The following IRF2 variants were observed in gnomAD, a reference collection of about 807,000 sequenced individuals.
IRF2 encodes the protein interferon regulatory factor 2.
In IRF2, 15 loss-of-function variants were observed where a neutral mutation model predicts 40.6. The ratio of observed to expected loss-of-function variants is 0.37; its 90% CI spans 0.25 to 0.57. The LOEUF is 0.57. Ranked by LOEUF, IRF2 falls within the 20% of genes least tolerant of loss-of-function variation. The pLI is 0.77. For missense variants in IRF2, 317 were observed against 455.7 expected (o/e 0.70, Z 2.77); for synonymous variants, 151 against 165.5 (o/e 0.91, Z 0.67).
At position 184,408,046 on chromosome 4, in the gene IRF2, A is replaced by G; in HGVS notation, c.529+112T>C. The G allele has an allele frequency of 1.6e-6, 1 of 637,836 alleles. No individual in the cohort carries two copies. The highest frequency in any genetic ancestry group is 2.8e-6 in the Non-Finnish European group (1 of 354,978). 39.5% of individuals were successfully genotyped at this position (637,836 alleles called of 1,614,324 possible). A position where few individuals can be genotyped will look rare whatever the true frequency, so the allele number is the denominator to read the frequency against. On this transcript the variant is annotated intron_variant, in intron 6 of 8. Transcript: ENST00000393593. This position sits in a 1 kb window ranked among gnomAD's most constrained non-coding sequence, Gnocchi z 4.9. The stretch of plus-strand genomic sequence containing the variant: ...GGGCTGGAACTTGCATTCTGAGATG[A>G]TTCCAAGACCTCCTCCCACTGACTA...
chr4:184,459,934 G>C (rs1739074726), intron 1 of IRF2, among the ~76,000 whole-genome samples: 1 of 152,216 alleles, frequency 6.6e-6, no homozygotes, highest in Non-Finnish European at 1.5e-5. Context: ...TACAGCTATG[G>C]AAAACAATTT....
chr4:184,435,639 C>T (rs1185017043), intron 1 of IRF2, among the ~76,000 whole-genome samples: 2 of 152,192 alleles, frequency 1.3e-5, no homozygotes, highest in African/African-American at 2.4e-5. Context: ...GTCGTCCTAG[C>T]GCAGGGACAG....
chr4:184,435,119 T>C (rs934016951), intron 1 of IRF2, among the ~76,000 whole-genome samples: 1 of 152,194 alleles, frequency 6.6e-6, no homozygotes, highest in East Asian at 1.9e-4. Context: ...CCCTAGGACA[T>C]AGGGACTTTA....
At chr4:184,469,466 C>T (rs1413805247) in intron 1 of IRF2, among the ~76,000 whole-genome samples, 10 of 152,136 alleles carry the variant, frequency 6.6e-5, no homozygotes. Flanking sequence ...CATTTGAGGC[C>T]AAGGGTTTGA....
At position 184,408,894 on chromosome 4, in the gene IRF2, AGGT is replaced by A. The variant is rs1447408957; in HGVS notation, c.412-622_412-620del. 6.6e-6 allele frequency among the ~76,000 whole-genome samples: 1 copy of A among 152,246 alleles called. No individual in the cohort carries two copies. Among genetic ancestry groups the A allele is most frequent in the East Asian group, 1.9e-4 (1 of 5,198 alleles). Reference sequence around the variant, plus strand: ...CATGGGCTTTACATAAATGCCCTTCAGGTGGCTGAATATCTCATCCAGCCCAAG... The same window carrying A: ...CATGGGCTTTACATAAATGCCCTTCAGGCTGAATATCTCATCCAGCCCAAG... On this transcript the variant is annotated intron_variant, in intron 5 of 8. Coordinates refer to ENST00000393593, the MANE Select transcript of IRF2 (RefSeq NM_002199.4). The surrounding 1 kb of genome is among the most constrained non-coding windows in gnomAD (Gnocchi z 4.9).
At chr4:184,462,610 T>C (rs1348134682) in intron 1 of IRF2, among the ~76,000 whole-genome samples, 2 of 152,186 alleles carry the variant, frequency 1.3e-5, no homozygotes, top group East Asian at 1.9e-4. Flanking sequence ...TCACCAAATA[T>C]AGCTTATTTA....
intron 1 of IRF2, among the ~76,000 whole-genome samples, chr4:184,455,225 T>C (rs1738870413): frequency 6.7e-6 from 1 of 149,582 alleles, no homozygotes; most frequent in Admixed American, 6.7e-5. Context: ...CTTATCCCAC[T>C]GATTCCTTTC....
intron 7 of IRF2, among the ~76,000 whole-genome samples, chr4:184,392,526 T>C (rs1332500945): frequency 6.6e-6 from 1 of 152,208 alleles, no homozygotes; most frequent in East Asian, 1.9e-4. Context: ...AGAAGAGCTC[T>C]TATGCTCCAG....
chr4:184,425,559 G>A (rs1485311418), intron 2 of IRF2, among the ~76,000 whole-genome samples: 1 of 152,256 alleles, frequency 6.6e-6, no homozygotes, highest in Non-Finnish European at 1.5e-5. Context: ...GGCAGCCACG[G>A]GCACGCTCTC....
Position 184,419,570 on chromosome 4 carries a change from TGAAA to T in IRF2, c.88-6_88-3del. On this transcript the variant is annotated splice_polypyrimidine_tract_variant and splice_region_variant and intron_variant, in intron 2 of 8. Coordinates refer to ENST00000393593, the MANE Select transcript of IRF2 (RefSeq NM_002199.4). ...GGGGATCTGAAAAATCTTCTTTTCC[TGAAA>T]AAAAAAAAAAAAAAAAAGGTAAAGA... 1.2e-6 allele frequency: 1 copy of T among 820,036 alleles called. No individual in the cohort carries two copies. Among genetic ancestry groups the T allele is most frequent in the Non-Finnish European group, 1.7e-6 (1 of 573,450 alleles). The allele number at this position is 820,036 out of a possible 1,614,324, so 50.8% of individuals were successfully genotyped here.
chr4:184,442,723 T>A (rs1434176180), intron 1 of IRF2, among the ~76,000 whole-genome samples: 1 of 151,710 alleles, frequency 6.6e-6, no homozygotes. Flanking sequence ...TGCTTCCCAC[T>A]CTAAAAATGA....
chr4:184,412,447 C>G (rs990298767), intron 5 of IRF2, among the ~76,000 whole-genome samples: 1 of 152,188 alleles, frequency 6.6e-6, no homozygotes, highest in Non-Finnish European at 1.5e-5. Flanking sequence ...TAATGGGCCT[C>G]CAGCCCACCT....
chr4:184,455,264 T>TCC (rs1561125314), intron 1 of IRF2, among the ~76,000 whole-genome samples: 1 of 33,738 alleles, frequency 3.0e-5, no homozygotes, highest in Non-Finnish European at 5.6e-5. Flanking sequence ...CCCCCTTCCC[T>TCC]CCCTCTCCCT....
intron 1 of IRF2, among the ~76,000 whole-genome samples, chr4:184,442,236 C>T (rs1738339522): frequency 6.6e-6 from 1 of 152,110 alleles, no homozygotes. Context: ...CTGGCCAACC[C>T]GAGCTTTCCT....
At chr4:184,436,381 C>T (rs528792710) in intron 1 of IRF2, among the ~76,000 whole-genome samples, 1 of 152,178 alleles carries the variant, frequency 6.6e-6, no homozygotes, top group Non-Finnish European at 1.5e-5. Flanking sequence ...GATTCAAAGA[C>T]GGTAAGACAT....
intron 1 of IRF2, among the ~76,000 whole-genome samples, chr4:184,459,140 G>T (rs1022054763): frequency 6.6e-6 from 1 of 152,020 alleles, no homozygotes; most frequent in African/African-American, 2.4e-5. Flanking sequence ...AGACAGAGCA[G>T]CCGCAATGAT....
chr4:184,423,625 T>C (rs1737561323), intron 2 of IRF2, among the ~76,000 whole-genome samples: 1 of 152,118 alleles, frequency 6.6e-6, no homozygotes, highest in Non-Finnish European at 1.5e-5. Context: ...AGAACATCAA[T>C]AACCCCACCA....
At chr4:184,420,213 C>T (rs778940788) in intron 2 of IRF2, among the ~76,000 whole-genome samples, 2 of 152,132 alleles carry the variant, frequency 1.3e-5, no homozygotes, top group African/African-American at 2.4e-5. Flanking sequence ...GGCCACCTAC[C>T]GAAACTTCTA....
chr4:184,453,346 G>A (rs1738798092), intron 1 of IRF2, among the ~76,000 whole-genome samples: 3 of 152,198 alleles, frequency 2.0e-5, no homozygotes, highest in Admixed American at 2.0e-4. Context: ...CATCTAGATG[G>A]CATCAGCCTC....
Sources: gnomAD v4.1 joint callset for allele counts (sites outside exome capture counted in the v4.1 genomes callset) on GRCh38, gnomAD v4.1.1 for gene constraint, Gnocchi (gnomAD v3.1) non-coding constraint, MANE v1.5 for transcripts, NCBI Gene and HGNC (gene_info 2026-07-23, HGNC 2026-07-21) for gene names.